NSD2: variants seen among roughly 807,000 people sequenced by gnomAD.
NSD2 encodes nuclear receptor binding SET domain protein 2.
In NSD2, 12 loss-of-function variants were observed where a neutral mutation model predicts 139.0. The ratio of observed to expected loss-of-function variants is 0.09; its 90% CI spans 0.06 to 0.14. The LOEUF is 0.14. Ranked by LOEUF, NSD2 falls within the 10% of genes least tolerant of loss-of-function variation. NSD2 has a pLI of 1.00. For missense variants in NSD2, 1,155 were observed against 1,745.0 expected (o/e 0.66, Z 6.02); for synonymous variants, 669 against 648.7 (o/e 1.03, Z -0.48).
intron 1 of NSD2, among the ~76,000 whole-genome samples, chr4:1,896,546 T>G (rs955389979): frequency 6.6e-6 from 1 of 152,152 alleles, no homozygotes; most frequent in African/African-American, 2.4e-5. Flanking sequence ...TTTTATTTTT[T>G]GTAGAGACAG....
At chr4:1,953,221 G>C in intron 11 of NSD2, 103 bp from the exon 12 acceptor site, 1 of 1,597,392 alleles carries the variant, frequency 6.3e-7, no homozygotes. Flanking sequence ...TAGCAGCATG[G>C]CTGCCTCTGA....
At chr4:1,953,988 T>A (rs1560753783) in intron 12 of NSD2, among the ~76,000 whole-genome samples, 1 of 139,086 alleles carries the variant, frequency 7.2e-6, no homozygotes, top group Non-Finnish European at 1.5e-5. Flanking sequence ...TTTTTGTAAA[T>A]TTTTTTTTTT....
chr4:1,897,431 A>G (rs979567391), intron 1 of NSD2, among the ~76,000 whole-genome samples: 1 of 151,946 alleles, frequency 6.6e-6, no homozygotes, highest in South Asian at 2.1e-4. Flanking sequence ...GGTTGCAGTG[A>G]GCTGAAATTG....
In NSD2 at chr4:1,976,550, G is replaced by A. The variant is rs1305960757; in HGVS notation, c.3697G>A (p.Glu1233Lys). ...AACGAGGCGGCGCAGAGCAAAAGGG[G>A]AAGGGAAGAGGCAGTCAGAGGACGA... ...KKTRRRRAKG[E>K]GKRQSEDECF... Residue 1233 changes from glutamate to lysine, a missense_variant, in exon 21 of 22, where the codon GAA becomes AAA. Glu to Lys is a moderately conservative substitution (Grantham distance 56). Transcript: ENST00000508803. The surrounding 1 kb of genome is among the most constrained non-coding windows in gnomAD (Gnocchi z 5.3). The A allele has an allele frequency of 6.2e-7, 1 of 1,613,946 alleles. No homozygotes were observed.
At position 1,872,637 on chromosome 4, in the gene NSD2, C is replaced by CGA. The variant is rs1375337847; in HGVS notation, c.-30+1096_-30+1097insAG. Among the ~76,000 whole-genome samples the CGA allele has an allele frequency of 8.0e-3, 651 of 81,830 alleles. 9 individuals are homozygous for CGA. The highest frequency in any genetic ancestry group is 0.026 in the Middle Eastern group (4 of 152). 53.7% of individuals were successfully genotyped at this position (81,830 alleles called of 152,430 possible). A position where few individuals can be genotyped will look rare whatever the true frequency, so the allele number is the denominator to read the frequency against. ...GAGAGAGAGAGAGAGAGAGAGAGAG[C>CGA]GCGCAGACCCTGTGAAGACAAGACT... On this transcript the variant is annotated intron_variant, in intron 1 of 21. Coordinates refer to ENST00000508803, the MANE Select transcript of NSD2 (RefSeq NM_001042424.3).
In NSD2 at chr4:1,900,759, T is replaced by C. The variant is rs757037495; in HGVS notation, c.105T>C (p.Thr35=). Residue 35 remains threonine, a synonymous_variant, in exon 2 of 22, where the codon ACT becomes ACC. Coordinates refer to ENST00000508803, the MANE Select transcript of NSD2 (RefSeq NM_001042424.3). ...TCCTCGGCAGTGCCAACGGGAAGACTCCGAGCTGCGAGGTGAACCGCGAGT... is the reference window on the plus strand; with the variant it reads ...TCCTCGGCAGTGCCAACGGGAAGACCCCGAGCTGCGAGGTGAACCGCGAGT... ...PEILGSANGK[T]PSCEVNRECS... is the part of the protein sequence containing the mutation. 5 of 1,614,112 alleles carry C rather than the reference T, an allele frequency of 3.1e-6. No homozygotes were observed. The highest frequency in any genetic ancestry group is 4.2e-6 in the Non-Finnish European group (5 of 1,180,028).
At chr4:1,883,631 CAAAAA>C (rs558413845) in intron 1 of NSD2, among the ~76,000 whole-genome samples, 1 of 74,142 alleles carries the variant, frequency 1.3e-5, no homozygotes, top group Admixed American at 1.5e-4. Flanking sequence ...ACTTTGTTTC[CAAAAA>C]AAAAAAAAAA....
At chr4:1,965,861 C>T (rs1725833557) in intron 18 of NSD2, among the ~76,000 whole-genome samples, 1 of 152,222 alleles carries the variant, frequency 6.6e-6, no homozygotes, top group Non-Finnish European at 1.5e-5. Context: ...CATGAGATGG[C>T]ATGGAGGAAA....
chr4:1,900,803 A>G lies in NSD2; in HGVS notation c.149A>G (p.Lys50Arg). ...VNRECSVFLS[K>R]AQLSSSLQEG... ...CGCGAGTGTTCTGTGTTCCTCAGCA[A>G]AGCCCAGCTCTCCAGTAGCCTGCAG... The change falls in exon 2 of 22, where the codon AAA becomes AGA. Residue 50 changes from lysine (K) to arginine (R), a missense_variant. By Grantham distance (26) the Lys-to-Arg change is conservative. Transcript: ENST00000508803. 3 of 1,614,134 alleles carry G rather than the reference A, an allele frequency of 1.9e-6. No homozygotes were observed. Among genetic ancestry groups the G allele is most frequent in the Non-Finnish European group, 2.5e-6 (3 of 1,180,026 alleles).
At position 1,955,140 on chromosome 4, in the gene NSD2, G is replaced by C; in HGVS notation, c.2339-21G>C. On this transcript the variant is annotated intron_variant, in intron 12 of 21. Transcript: ENST00000508803. This position sits in a 1 kb window ranked among gnomAD's most constrained non-coding sequence, Gnocchi z 4.7. ...TGGAGTCAGTGTTTGGGGTCCTTAG[G>C]GTGTGTTTCTTTGCCTTCAGGTAAA... 1.3e-6 allele frequency: 2 copies of C among 1,588,608 alleles called. No individual in the cohort carries two copies. Among genetic ancestry groups the C allele is most frequent in the Non-Finnish European group, 1.7e-6 (2 of 1,158,832 alleles).
chr4:1,977,900 A>G (rs936925013), intron 21 of NSD2, among the ~76,000 whole-genome samples: 1 of 151,934 alleles, frequency 6.6e-6, no homozygotes, highest in Admixed American at 6.6e-5. Context: ...GCCAAGGTGG[A>G]TGGATCACTT....
chr4:1,913,998 A>G (rs983359435), intron 3 of NSD2, among the ~76,000 whole-genome samples: 4 of 152,052 alleles, frequency 2.6e-5, no homozygotes, highest in Non-Finnish European at 5.9e-5. Context: ...TGGGAAGTAA[A>G]TTTGAGTCCT....
chr4:1,882,644 A>G (rs1241149843), intron 1 of NSD2, among the ~76,000 whole-genome samples: 1 of 152,108 alleles, frequency 6.6e-6, no homozygotes, highest in Non-Finnish European at 1.5e-5. Context: ...AGCTTGGGCG[A>G]CAGAGCAAGA....
At chr4:1,939,956 A>C in intron 9 of NSD2, 178 bp downstream of exon 9, 1 of 1,451,824 alleles carries the variant, frequency 6.9e-7, no homozygotes, top group Non-Finnish European at 9.0e-7. Context: ...ACAGTGCACT[A>C]TGTTAGTTTA....
At chr4:1,952,850 A>T (rs189063860) in intron 11 of NSD2, 1 of 1,268,334 alleles carries the variant, frequency 7.9e-7, no homozygotes, top group African/African-American at 1.5e-5. Flanking sequence ...GGAGTCTCCT[A>T]TCTCACGTCA....
chr4:1,940,242 A>G, intron 9 of NSD2: 1 of 1,076,542 alleles, frequency 9.3e-7, no homozygotes, highest in Non-Finnish European at 1.1e-6. Context: ...GAGGAAGCCA[A>G]AGATTTCTTT....
intron 1 of NSD2, among the ~76,000 whole-genome samples, chr4:1,887,995 T>C (rs953490013): frequency 6.6e-6 from 1 of 152,188 alleles, no homozygotes; most frequent in Non-Finnish European, 1.5e-5. Flanking sequence ...GCTGCACAGC[T>C]GTTCACATCA....
chr4:1,879,737 G>C (rs1328827519), intron 1 of NSD2, among the ~76,000 whole-genome samples: 3 of 151,780 alleles, frequency 2.0e-5, no homozygotes, highest in Non-Finnish European at 2.9e-5. Context: ...TGTTGCTGTG[G>C]TGGTTTTATG....
intron 7 of NSD2, 55 bp from the exon 8 acceptor site, chr4:1,938,396 C>CTTT (rs1191163534): frequency 1.3e-5 from 13 of 992,178 alleles, no homozygotes; most frequent in Middle Eastern, 4.0e-4. Flanking sequence ...TCCTTTTTTT[C>CTTT]TTTTCTTTTT....
Sources: allele counts gnomAD v4.1 joint callset (sites outside exome capture counted in the v4.1 genomes callset), GRCh38; gene constraint gnomAD v4.1.1; non-coding constraint Gnocchi (gnomAD v3.1); transcripts MANE v1.5; gene names NCBI Gene and HGNC (gene_info 2026-07-23, HGNC 2026-07-21).